A2ML1: variants seen among roughly 807,000 people sequenced by gnomAD.
A2ML1 encodes alpha-2-macroglobulin-like protein 1.
A neutral mutation model predicts 181.9 loss-of-function variants in A2ML1; 161 were observed. That is an observed-to-expected ratio of 0.89 (90% CI 0.78 to 1.01). The LOEUF is 1.01. A2ML1 is among the 50% of genes least tolerant of loss of function. A2ML1 has a pLI of 0.00. For synonymous variants in A2ML1, 663 were observed against 666.8 expected, an observed-to-expected ratio of 0.99 and a Z score of 0.09; for missense variants, 1,670 against 1,768.1, an observed-to-expected ratio of 0.94 and a Z score of 1.00.
intron 26 of A2ML1, among the ~76,000 whole-genome samples, chr12:8,858,765 A>G (rs1383798195): frequency 6.6e-6 from 1 of 152,100 alleles, no homozygotes; most frequent in East Asian, 1.9e-4. Flanking sequence ...AGCCCTCCTG[A>G]TTATTCTGAT....
chr12:8,869,189 A>T lies in A2ML1; in HGVS notation c.4207A>T (p.Ile1403Phe), dbSNP rs1241706957. ...TGAATTTGGAACTGACACACTTAAC[A>T]TTTACTTGGATGAGGTAGGTATTCA... ...KVEFGTDTLN[I>F]YLDELIKNTQ... The change falls in exon 33 of 36, where the codon ATT becomes TTT. Residue 1403 changes from isoleucine (I) to phenylalanine (F), a missense_variant. Ile to Phe is a conservative substitution (Grantham distance 21). Transcript: ENST00000299698. 3 of 1,613,952 alleles carry T rather than the reference A, an allele frequency of 1.9e-6. No individual in the cohort carries two copies. The Admixed American group carries it at 5.0e-5, about 27-fold the overall frequency.
At position 8,874,417 on chromosome 12, in the gene A2ML1, C is replaced by T. The variant is rs770613054; in HGVS notation, c.4222-8C>T. ...TCTAAGGTACTGTTTCATCTGTCTT[C>T]CCCACAGCTCATTAAGAACACTCAG... On this transcript the variant is annotated splice_region_variant and splice_polypyrimidine_tract_variant and intron_variant, in intron 33 of 35. Transcript: ENST00000299698. 6 of 1,606,520 alleles carry T rather than the reference C, an allele frequency of 3.7e-6. No homozygotes were observed. Among genetic ancestry groups the T allele is most frequent in the Non-Finnish European group, 4.3e-6 (5 of 1,173,320 alleles).
rs1174059922 is a variant in A2ML1 at position 8,845,439 on chromosome 12, TA to T, written c.1477-2del. On this transcript the variant is annotated splice_acceptor_variant, in intron 12 of 35. Transcript: ENST00000299698. LOFTEE classifies it high-confidence loss of function. ...CAGTTGATTCTTTTCTTTTCTTCTT[TA>T]GTTAATAGGGAAAGGAAGTTTGGTG... 6.2e-7 allele frequency: 1 copy of T among 1,614,062 alleles called. No individual in the cohort carries two copies. The highest frequency in any genetic ancestry group is 8.5e-7 in the Non-Finnish European group (1 of 1,179,972).
chr12:8,860,757 T>C (rs1336041266), intron 26 of A2ML1, 124 bp from the exon 27 acceptor site: 3 of 823,424 alleles, frequency 3.6e-6, no homozygotes, highest in Non-Finnish European at 5.9e-6. Flanking sequence ...AAAAGAGCTT[T>C]CTTTTCTTTT....
rs1944491540 is a variant in A2ML1, at chr12:8,868,282, T to C, written c.3986T>C (p.Leu1329Pro). The change falls in exon 31 of 36, where the codon CTT (leucine) becomes CCT (proline). Residue 1329 changes from leucine to proline, a missense_variant. By Grantham distance (98) the Leu-to-Pro change is moderately conservative. Transcript: ENST00000299698. ...CCCACAAATATGAAGACCTTTAGTC[T>C]TAGTGTGGAAATAGGAAAAGCTAGA... is the stretch of plus-strand genomic sequence containing the variant. ...LPPTNMKTFS[L>P]SVEIGKARCE... The C allele has an allele frequency of 1.2e-6, 2 of 1,614,020 alleles. No homozygotes were observed. Among genetic ancestry groups the C allele is most frequent in the Admixed American group, 3.3e-5 (2 of 59,968 alleles).
At chr12:8,870,272 T>C (rs749987033) in intron 33 of A2ML1, among the ~76,000 whole-genome samples, 18 of 149,234 alleles carry the variant, frequency 1.2e-4, no homozygotes, top group Admixed American at 6.6e-5. Context: ...TAGTTTCTTT[T>C]TTCTTTTTTT....
chr12:8,844,182 G>T (rs2136821633), intron 12 of A2ML1, among the ~76,000 whole-genome samples: 1 of 151,174 alleles, frequency 6.6e-6, no homozygotes, highest in East Asian at 1.9e-4. Context: ...GTGCTGGCCA[G>T]GACCAAAAAA....
In A2ML1 at chr12:8,848,701, T is replaced by C; in HGVS notation, c.1834-19T>C. The C allele has an allele frequency of 6.4e-7, 1 of 1,573,670 alleles. No individual in the cohort carries two copies. Among genetic ancestry groups the C allele is most frequent in the Non-Finnish European group, 8.6e-7 (1 of 1,159,122 alleles). ...ATCACTATATCAATGCTTTATTTCC[T>C]CTCCCCCTCTTGTCCCAGGTCTATG... On this transcript the variant is annotated intron_variant, in intron 15 of 35. Transcript: ENST00000299698.
intron 11 of A2ML1, among the ~76,000 whole-genome samples, chr12:8,842,470 T>C (rs369470525): frequency 6.2e-4 from 94 of 152,132 alleles, no homozygotes; most frequent in Non-Finnish European, 9.0e-4. Flanking sequence ...CCGCCCGCCT[T>C]GGCCTCCCAA....
chr12:8,868,924 AT>A (rs770368819), intron 32 of A2ML1, among the ~76,000 whole-genome samples: 27 of 152,254 alleles, frequency 1.8e-4, no homozygotes, highest in Non-Finnish European at 3.5e-4. Flanking sequence ...ATATATGTAT[AT>A]ATTCATACAC....
intron 26 of A2ML1, among the ~76,000 whole-genome samples, chr12:8,859,427 C>T (rs1944181606): frequency 6.6e-6 from 1 of 152,068 alleles, no homozygotes. Context: ...GTGGCTCATG[C>T]TTGTAATCCC....
chr12:8,883,358 C>T (rs2137014561), intron 7 of A2ML1, among the ~76,000 whole-genome samples: 1 of 152,252 alleles, frequency 6.6e-6, no homozygotes, highest in Admixed American at 6.5e-5. Context: ...CAGCCACGTG[C>T]CCAACTAAAA....
downstream of A2ML1, among the ~76,000 whole-genome samples, chr12:8,879,329 T>G (rs778473624): frequency 6.6e-6 from 1 of 151,778 alleles, no homozygotes; most frequent in Non-Finnish European, 1.5e-5. Context: ...CTGTCCCTAC[T>G]AAATATACAA....
chr12:8,867,998 C>T lies in A2ML1; in HGVS notation c.3874C>T (p.Pro1292Ser). ...ATTGGTATTTCAGCAGGATACCCTG[C>T]CCAATGTCCCTGGAATGTACACGTT... ...NRLVFQQDTL[P>S]NVPGMYTLEA... The change falls in exon 30 of 36, where the codon CCC (proline) becomes TCC (serine). Residue 1292 changes from proline to serine, a missense_variant. By Grantham distance (74) the Pro-to-Ser change is moderately conservative (BLOSUM62 -1). Transcript: ENST00000299698. 3 of 1,614,234 alleles carry T rather than the reference C, an allele frequency of 1.9e-6. No homozygotes were observed. Among genetic ancestry groups the T allele is most frequent in the Non-Finnish European group, 2.5e-6 (3 of 1,180,048 alleles).
intron 22 of A2ML1, 79 bp downstream of exon 22, chr12:8,854,910 T>TG (rs1944011135): frequency 6.6e-7 from 1 of 1,520,690 alleles, no homozygotes. Flanking sequence ...TTTTTTTTTT[T>TG]TTGAGACGGA....
At chr12:8,885,500 C>G (rs1166116496) in intron 7 of A2ML1, among the ~76,000 whole-genome samples, 1 of 152,040 alleles carries the variant, frequency 6.6e-6, no homozygotes, top group Non-Finnish European at 1.5e-5. Context: ...CTCTGTCACC[C>G]AGGTTGGAGT....
intron 7 of A2ML1, among the ~76,000 whole-genome samples, chr12:8,836,707 C>T (rs1943291724): frequency 6.6e-6 from 1 of 152,116 alleles, no homozygotes; most frequent in Admixed American, 6.5e-5. Context: ...TGGTCTCGGA[C>T]TCCTGACCTC....
chr12:8,844,331 AC>A (rs1181897961), intron 12 of A2ML1, among the ~76,000 whole-genome samples: 1 of 147,688 alleles, frequency 6.8e-6, no homozygotes, highest in African/African-American at 2.5e-5. Context: ...TGAACTCCTG[AC>A]CTCAGGTGAT....
At position 8,848,897 on chromosome 12, in the gene A2ML1, C is replaced by G. The variant is rs1455492131; in HGVS notation, c.2011C>G (p.Leu671Val). The G allele has an allele frequency of 6.2e-7, 1 of 1,611,664 alleles. No individual in the cohort carries two copies. Among genetic ancestry groups the G allele is most frequent in the Non-Finnish European group, 8.5e-7 (1 of 1,179,380 alleles). ...WRPSFSEGTDLFSFFRDVGLK... is the reference protein window; with the variant it reads ...WRPSFSEGTDVFSFFRDVGLK... ...GCCCTCGTTCTCTGAAGGCACGGAC[C>G]TTTTCAGCTTTTTCCGGGTAGGTCT... The change falls in exon 16 of 36, where the codon CTT becomes GTT. Residue 671 changes from leucine (L) to valine (V), a missense_variant. Leu to Val is a conservative substitution (Grantham distance 32). Coordinates refer to ENST00000299698, the MANE Select transcript of A2ML1 (RefSeq NM_144670.6).
Sources: allele counts gnomAD v4.1 joint callset (sites outside exome capture counted in the v4.1 genomes callset), GRCh38; gene constraint gnomAD v4.1.1; transcripts MANE v1.5; gene names NCBI Gene and HGNC (gene_info 2026-07-23, HGNC 2026-07-21).